Variants in SLCO4C1 observed in about 807,000 individuals in gnomAD.
The protein encoded by SLCO4C1 is organic anion transporter M1.
SLCO4C1 carries 58 observed loss-of-function variants against 72.1 expected under a neutral mutation model. The ratio of observed to expected loss-of-function variants is 0.80; its 90% CI spans 0.65 to 1.00. The LOEUF (loss-of-function observed/expected upper bound fraction) is 1.00. Ranked by LOEUF, SLCO4C1 falls within the 50% of genes least tolerant of loss-of-function variation. The pLI is 0.00. For missense variants in SLCO4C1, 898 were observed against 857.9 expected (o/e 1.05, Z -0.58); for synonymous variants, 297 against 312.5 (o/e 0.95, Z 0.52).
Position 102,236,928 on chromosome 5 carries a change from T to C in SLCO4C1, c.2105A>G (p.His702Arg), listed in dbSNP as rs780960313. 1.9e-6 allele frequency: 3 copies of C among 1,612,956 alleles called. No homozygotes were observed. Among genetic ancestry groups the C allele is most frequent in the South Asian group, 1.1e-5 (1 of 90,930 alleles). ...ATTAGTCACAACTGCATTCTCTTTA[T>C]GAAATGACACATCTGTGGCTGATGG... ...PPPSATDVSFHKENAVVTNVL... is the reference protein window; with the variant it reads ...PPPSATDVSFRKENAVVTNVL... The change falls in exon 13 of 13, where the codon CAT becomes CGT. Residue 702 changes from histidine (H) to arginine (R), a missense_variant. By Grantham distance (29) the His-to-Arg change is conservative. Coordinates refer to ENST00000310954, the MANE Select transcript of SLCO4C1 (RefSeq NM_180991.5).
intron 10 of SLCO4C1, among the ~76,000 whole-genome samples, chr5:102,243,420 C>T (rs775046405): frequency 1.2e-4 from 19 of 152,180 alleles, no homozygotes; most frequent in Non-Finnish European, 2.6e-4. Flanking sequence ...GCTTCAGGTA[C>T]GACCCAGTGC....
intron 9 of SLCO4C1, 98 bp from the exon 10 acceptor site, chr5:102,247,540 G>T: frequency 2.8e-6 from 2 of 716,776 alleles, no homozygotes; most frequent in Non-Finnish European, 4.2e-6. Context: ...CTCTCATACT[G>T]TCTTAATCCA....
rs190054054 is a variant in SLCO4C1 at position 102,253,281 on chromosome 5, C to A, written c.1470-3493G>T. On this transcript the variant is annotated intron_variant, in intron 8 of 12. Transcript: ENST00000310954. ...AGTGGGAAAATAAACAGTATTCATG[C>A]AATCGAATTTAGTATTGTGCCCAAT... is the stretch of plus-strand genomic sequence containing the variant. 2.1e-3 allele frequency among the ~76,000 whole-genome samples: 327 copies of A among 152,234 alleles called. 1 individual carries two copies. The highest frequency in any genetic ancestry group is 6.8e-3 in the Middle Eastern group (2 of 294).
Position 102,247,251 on chromosome 5 carries a change from C to A in SLCO4C1, c.1811+1G>T, listed in dbSNP as rs768539783. On this transcript the variant is annotated splice_donor_variant, in intron 10 of 12. Coordinates refer to ENST00000310954, the MANE Select transcript of SLCO4C1 (RefSeq NM_180991.5). LOFTEE classifies it high-confidence loss of function. ...TGAAAATTTCTCAACGTGCTACATACCTTAGGATAGACACAGTTATAGGAG... is the reference window on the plus strand; with the variant it reads ...TGAAAATTTCTCAACGTGCTACATAACTTAGGATAGACACAGTTATAGGAG... 2 of 1,523,034 alleles carry A rather than the reference C, an allele frequency of 1.3e-6. No homozygotes were observed. The highest frequency in any genetic ancestry group is 1.8e-6 in the Non-Finnish European group (2 of 1,125,656). The allele number at this position is 1,523,034 out of a possible 1,614,324, so 94.3% of individuals were successfully genotyped here.
At chr5:102,289,046 T>C (rs1246606459) in intron 2 of SLCO4C1, among the ~76,000 whole-genome samples, 1 of 152,238 alleles carries the variant, frequency 6.6e-6, no homozygotes, top group South Asian at 2.1e-4. Flanking sequence ...GAGGGCAAGC[T>C]GAGTTTTTGC....
rs1748443114 is a variant in SLCO4C1, at chr5:102,236,766, C to T, written c.*92G>A. Reference sequence around the variant, plus strand: ...CATCAATTTTGTAAATATGATTGTCCATATTGGATAGATAATCCTGCCATG... The same window carrying T: ...CATCAATTTTGTAAATATGATTGTCTATATTGGATAGATAATCCTGCCATG... On this transcript the variant is annotated 3_prime_UTR_variant, in exon 13 of 13. Transcript: ENST00000310954. 1 of 1,224,196 alleles carries T rather than the reference C, an allele frequency of 8.2e-7. No individual in the cohort carries two copies. Among genetic ancestry groups the T allele is most frequent in the Admixed American group, 2.3e-5 (1 of 42,628 alleles). 75.8% of individuals were successfully genotyped at this position (1,224,196 alleles called of 1,614,324 possible). A position where few individuals can be genotyped will look rare whatever the true frequency, so the allele number is the denominator to read the frequency against.
At chr5:102,240,687 A>G in intron 11 of SLCO4C1, 31 bp downstream of exon 11, 1 of 1,577,778 alleles carries the variant, frequency 6.3e-7, no homozygotes, top group Non-Finnish European at 8.7e-7. Flanking sequence ...AATAGCCAAC[A>G]GTTAGCAATG....
In SLCO4C1 at chr5:102,234,992, G is replaced by A. The variant is rs777953353; in HGVS notation, c.*1866C>T. On this transcript the variant is annotated 3_prime_UTR_variant, in exon 13 of 13. Transcript: ENST00000310954. ...GCTACCTATTTGGCTTCCGTCTTTG[G>A]TGTTTATATCTGTCTGGTTTTAGCA... 4.6e-5 allele frequency: 7 copies of A among 152,038 alleles called. No homozygotes were observed. Among genetic ancestry groups the A allele is most frequent in the Non-Finnish European group, 7.4e-5 (5 of 68,018 alleles). 9.4% of individuals were successfully genotyped at this position (152,038 alleles called of 1,614,324 possible).
chr5:102,270,100 A>G (rs1161891327), intron 3 of SLCO4C1, among the ~76,000 whole-genome samples: 2 of 152,172 alleles, frequency 1.3e-5, no homozygotes, highest in Non-Finnish European at 2.9e-5. Context: ...CAAATAAAGT[A>G]TTCAATAATT....
At chr5:102,248,590 C>CTAA (rs2112344362) in intron 9 of SLCO4C1, among the ~76,000 whole-genome samples, 1 of 152,162 alleles carries the variant, frequency 6.6e-6, no homozygotes, top group African/African-American at 2.4e-5. Flanking sequence ...AAAACCCTTC[C>CTAA]TAATAACTCC....
chr5:102,271,609 A>T (rs1749153698), intron 2 of SLCO4C1, among the ~76,000 whole-genome samples: 2 of 151,564 alleles, frequency 1.3e-5, no homozygotes, highest in South Asian at 4.2e-4. Context: ...ATTGGTTAAA[A>T]ATATATATAT....
At chr5:102,293,357 T>C (rs1218609992) in intron 1 of SLCO4C1, among the ~76,000 whole-genome samples, 1 of 152,058 alleles carries the variant, frequency 6.6e-6, no homozygotes, top group Non-Finnish European at 1.5e-5. Context: ...ATTTGTAAAC[T>C]CCTCAGGAAG....
At chr5:102,269,715 G>C (rs1749113280) in intron 3 of SLCO4C1, among the ~76,000 whole-genome samples, 1 of 151,934 alleles carries the variant, frequency 6.6e-6, no homozygotes, top group Admixed American at 6.6e-5. Flanking sequence ...TTCTGTTACT[G>C]TATAATTATT....
intron 12 of SLCO4C1, among the ~76,000 whole-genome samples, chr5:102,238,712 T>G (rs182317678): frequency 8.5e-5 from 13 of 152,282 alleles, no homozygotes; most frequent in African/African-American, 2.9e-4. Context: ...GATACATTGT[T>G]TTACTTAATC....
intron 10 of SLCO4C1, among the ~76,000 whole-genome samples, chr5:102,241,281 T>G (rs1174312102): frequency 6.6e-6 from 1 of 151,618 alleles, no homozygotes; most frequent in East Asian, 1.9e-4. Context: ...GCAAGAAAAA[T>G]AAAAGGTATC....
chr5:102,245,510 T>C (rs1322186483), intron 10 of SLCO4C1, among the ~76,000 whole-genome samples: 1 of 152,130 alleles, frequency 6.6e-6, no homozygotes, highest in African/African-American at 2.4e-5. Context: ...TAAATATATA[T>C]GTAGCCAACA....
chr5:102,241,557 A>T (rs936935838), intron 10 of SLCO4C1, among the ~76,000 whole-genome samples: 1 of 152,188 alleles, frequency 6.6e-6, no homozygotes, highest in Admixed American at 6.5e-5. Flanking sequence ...AAATACTTGT[A>T]CACTGAAAGC....
chr5:102,247,928 T>TC (rs1378870955), intron 9 of SLCO4C1, among the ~76,000 whole-genome samples: 1 of 149,130 alleles, frequency 6.7e-6, no homozygotes, highest in East Asian at 1.9e-4. Context: ...TTTTTTTTTT[T>TC]TTTTTTTTTT....
chr5:102,243,807 T>G (rs182849382), intron 10 of SLCO4C1, among the ~76,000 whole-genome samples: 3 of 152,238 alleles, frequency 2.0e-5, no homozygotes, highest in Admixed American at 2.0e-4. Flanking sequence ...GAATTTAAAA[T>G]AGCTGTGCTG....
Sources: allele counts gnomAD v4.1 joint callset (sites outside exome capture counted in the v4.1 genomes callset), GRCh38; gene constraint gnomAD v4.1.1; transcripts MANE v1.5; gene names NCBI Gene and HGNC (gene_info 2026-07-23, HGNC 2026-07-21).